The following ELMOD3 variants were observed in gnomAD, a reference collection of about 807,000 sequenced individuals.
ELMOD3 encodes the protein ELMO domain containing 3.
Under a neutral mutation model 47.4 loss-of-function variants are expected in ELMOD3, and 36 were observed. That is an observed-to-expected ratio of 0.76 (90% CI 0.58 to 1.00). The LOEUF (loss-of-function observed/expected upper bound fraction) is 1.00. Ranked by LOEUF, ELMOD3 falls within the 50% of genes least tolerant of loss-of-function variation. ELMOD3 has a pLI of 0.00. For missense variants in ELMOD3, 404 were observed against 463.8 expected (o/e 0.87, Z 1.18); for synonymous variants, 149 against 183.5 (o/e 0.81, Z 1.52).
At chr2:85,389,483 A>G in intron 11 of ELMOD3, 1 of 521,292 alleles carries the variant, frequency 1.9e-6, no homozygotes, top group African/African-American at 1.9e-5. Context: ...GAGAGCTAGC[A>G]CGGGGGTTAT....
At position 85,368,904 on chromosome 2, in the gene ELMOD3, C is replaced by G. The variant is rs144657153; in HGVS notation, c.268+150C>G. 6,151 of 797,018 alleles carry G rather than the reference C, an allele frequency of 7.7e-3. 523 individuals are homozygous for G. In the Admixed American group the frequency reaches 0.13, roughly 17 times the overall value. 49.4% of individuals were successfully genotyped at this position (797,018 alleles called of 1,614,324 possible). On this transcript the variant is annotated intron_variant, in intron 7 of 13. Transcript: ENST00000409013. The stretch of plus-strand genomic sequence containing the variant: ...AACTATATAACATAGATTACAGTAC[C>G]TTTTTCAAATCCTAAGATGATGACA...
At chr2:85,388,165 T>C (rs6707823) in intron 11 of ELMOD3, among the ~76,000 whole-genome samples, 1 of 151,046 alleles carries the variant, frequency 6.6e-6, no homozygotes, top group South Asian at 2.1e-4. Context: ...AAAAAAAAAT[T>C]TTTTTGTAGA....
intron 13 of ELMOD3, 53 bp from the exon 14 acceptor site, chr2:85,390,707 G>A (rs938861906): frequency 2.6e-6 from 4 of 1,541,648 alleles, no homozygotes; most frequent in Non-Finnish European, 2.6e-6. Context: ...CTTGACTGTT[G>A]TGTCACCCAG....
At chr2:85,385,170 C>G (rs897113238) in intron 11 of ELMOD3, among the ~76,000 whole-genome samples, 10 of 152,090 alleles carry the variant, frequency 6.6e-5, no homozygotes, top group African/African-American at 2.4e-4. Flanking sequence ...GAGGGATTAG[C>G]TAGAACTAAG....
In ELMOD3 at chr2:85,368,720, A is replaced by T; in HGVS notation, c.234A>T (p.Glu78Asp). Residue 78 changes from glutamate to aspartate, a missense_variant, in exon 7 of 14, where the codon GAA becomes GAT. Glu to Asp is a conservative substitution (Grantham distance 45). Transcript: ENST00000409013. The part of the protein sequence containing the change: ...VSTEVVRAQE[E>D]WEAVDTIQPE... ...CAGAGGTGGTCAGAGCCCAAGAAGA[A>T]TGGGAAGCTGTGGACACCATCCAGC... The T allele has an allele frequency of 6.2e-7, 1 of 1,614,140 alleles. No individual in the cohort carries two copies. The highest frequency in any genetic ancestry group is 2.2e-5 in the East Asian group (1 of 44,880).
chr2:85,354,893 C>G (rs559991290), intron 1 of ELMOD3, 64 bp downstream of exon 1: 1 of 177,534 alleles, frequency 5.6e-6, no homozygotes, highest in East Asian at 1.7e-4. Context: ...AGCAGCCGGC[C>G]TGAGGAGGGA....
chr2:85,373,841 A>G (rs1483300842), intron 10 of ELMOD3, among the ~76,000 whole-genome samples: 2 of 62,016 alleles, frequency 3.2e-5, no homozygotes, highest in South Asian at 6.2e-4. Flanking sequence ...TTCGTCTCAG[A>G]AAAAAAAAAA....
chr2:85,385,424 AG>A (rs562357868), intron 11 of ELMOD3, among the ~76,000 whole-genome samples: 4 of 151,854 alleles, frequency 2.6e-5, no homozygotes, highest in Admixed American at 2.0e-4. Flanking sequence ...TTACAGTCAA[AG>A]GGGGTTGTTC....
At position 85,390,270 on chromosome 2, in the gene ELMOD3, GCT is replaced by G. The variant is rs1383458680; in HGVS notation, c.943+8_943+9del. 6.2e-7 allele frequency: 1 copy of G among 1,614,184 alleles called. No individual in the cohort carries two copies. Among genetic ancestry groups the G allele is most frequent in the Non-Finnish European group, 8.5e-7 (1 of 1,180,054 alleles). ...ACTCGGGCTTTGTCCTCAAAGGTGT[GCT>G]CTTTCTTCTGGGGAGGCCTAGGCTG... On this transcript the variant is annotated splice_donor_region_variant and intron_variant, in intron 13 of 13. Transcript: ENST00000409013.
In ELMOD3 at chr2:85,360,135, G is replaced by A. The variant is rs185432287; in HGVS notation, c.55-2051G>A. ...CTAAAAATTAGCAGGGCGTGGTGGC[G>A]CATGCCTGTAATCCCAGCTACTCAG... On this transcript the variant is annotated intron_variant, in intron 4 of 13. Transcript: ENST00000409013. 9.9e-5 allele frequency among the ~76,000 whole-genome samples: 15 copies of A among 151,878 alleles called. No homozygotes were observed. The South Asian group carries it at 2.1e-3, about 21-fold the overall frequency.
intron 3 of ELMOD3, chr2:85,356,493 G>C (rs888635038): frequency 6.6e-6 from 1 of 152,318 alleles, no homozygotes; most frequent in African/African-American, 2.4e-5. Flanking sequence ...AGTCCCCTGT[G>C]TGGTCCCCTT....
At chr2:85,365,469 G>A (rs1021238438) in intron 6 of ELMOD3, among the ~76,000 whole-genome samples, 2 of 152,130 alleles carry the variant, frequency 1.3e-5, no homozygotes, top group Non-Finnish European at 1.5e-5. Flanking sequence ...AAATAAAGGA[G>A]ACAATTATAA....
Position 85,390,215 on chromosome 2 carries a change from T to G in ELMOD3, c.893T>G (p.Val298Gly). The change falls in exon 13 of 14, where the codon GTC (valine) becomes GGC (glycine). Residue 298 changes from valine (V) to glycine (G), a missense_variant. Val to Gly is a moderately radical substitution (Grantham distance 109). Transcript: ENST00000409013. The part of the protein sequence containing the change: ...YAATFLHLAH[V>G]WRTQRKTISD... The stretch of plus-strand genomic sequence containing the variant: ...GCCACATTCCTCCACCTCGCACATG[T>G]CTGGAGGACACAGCGGAAGACCATC... The G allele has an allele frequency of 1.9e-6, 3 of 1,614,174 alleles. No homozygotes were observed. Among genetic ancestry groups the G allele is most frequent in the Non-Finnish European group, 2.5e-6 (3 of 1,180,022 alleles).
intron 10 of ELMOD3, among the ~76,000 whole-genome samples, 182 bp from the exon 11 acceptor site, chr2:85,377,162 A>T (rs1685215092): frequency 6.6e-6 from 1 of 152,236 alleles, no homozygotes; most frequent in South Asian, 2.1e-4. Context: ...TGGGGTCCCC[A>T]TTTGGTGCAT....
intron 11 of ELMOD3, among the ~76,000 whole-genome samples, chr2:85,379,363 C>G (rs781223025): frequency 6.6e-6 from 1 of 152,096 alleles, no homozygotes; most frequent in Non-Finnish European, 1.5e-5. Flanking sequence ...CATGCCACCA[C>G]GTCCGGCTAA....
intron 11 of ELMOD3, among the ~76,000 whole-genome samples, chr2:85,384,775 T>A (rs564130330): frequency 6.6e-6 from 1 of 152,108 alleles, no homozygotes; most frequent in Non-Finnish European, 1.5e-5. Flanking sequence ...CTCTCCATTT[T>A]AGAAAACAAA....
intron 4 of ELMOD3, among the ~76,000 whole-genome samples, chr2:85,358,279 CAAAAAAA>C (rs1019363756): frequency 7.2e-5 from 4 of 55,764 alleles, no homozygotes; most frequent in Non-Finnish European, 1.2e-4. Context: ...ACTCTGTCTC[CAAAAAAA>C]AAAAAAAAAA....
chr2:85,383,571 G>A (rs1048340198), intron 11 of ELMOD3, among the ~76,000 whole-genome samples: 6 of 152,078 alleles, frequency 3.9e-5, no homozygotes, highest in Admixed American at 2.0e-4. Flanking sequence ...TGATCCACCC[G>A]CCTTGGCCTC....
At chr2:85,379,285 C>T (rs544912441) in intron 11 of ELMOD3, among the ~76,000 whole-genome samples, 34 of 152,376 alleles carry the variant, frequency 2.2e-4, no homozygotes, top group African/African-American at 6.7e-4. Flanking sequence ...TAGCACACTG[C>T]AGCCTTCGCC....
Sources: allele counts gnomAD v4.1 joint callset (sites outside exome capture counted in the v4.1 genomes callset), GRCh38; gene constraint gnomAD v4.1.1; transcripts MANE v1.5; gene names NCBI Gene and HGNC (gene_info 2026-07-23, HGNC 2026-07-21).